The following SNW1 variants were observed in gnomAD, a reference collection of about 807,000 sequenced individuals.
The protein encoded by SNW1 is SNW domain containing 1, also known as SNW domain-containing protein 1.
A neutral mutation model predicts 75.6 loss-of-function variants in SNW1; 9 were observed. The ratio of observed to expected loss-of-function variants is 0.12; its 90% CI spans 0.07 to 0.21. The LOEUF is 0.21. Ranked by LOEUF, SNW1 falls within the 10% of genes least tolerant of loss-of-function variation. The probability of loss-of-function intolerance (pLI) is 1.00; values close to 1 mark genes in which losing one functional copy is unlikely to be tolerated. For missense variants in SNW1, 409 were observed against 670.9 expected (o/e 0.61, Z 4.31); for synonymous variants, 200 against 219.1 (o/e 0.91, Z 0.77).
intron 1 of SNW1, among the ~76,000 whole-genome samples, chr14:77,759,127 C>T (rs1411564133): frequency 6.7e-6 from 1 of 149,564 alleles, no homozygotes; most frequent in East Asian, 2.0e-4. Flanking sequence ...CTGAGGAACA[C>T]CAGATGGTAG....
intron 9 of SNW1, among the ~76,000 whole-genome samples, chr14:77,731,603 AATCTT>A (rs1271288238): frequency 6.6e-6 from 1 of 152,198 alleles, no homozygotes; most frequent in Non-Finnish European, 1.5e-5. Context: ...CTCAAGATAA[AATCTT>A]AACTTACATC....
intron 3 of SNW1, among the ~76,000 whole-genome samples, chr14:77,747,258 G>A (rs556633491): frequency 2.0e-5 from 3 of 152,214 alleles, no homozygotes; most frequent in South Asian, 2.1e-4. Flanking sequence ...GCGTGATCTC[G>A]GCTCGCTACA....
At chr14:77,733,082 G>T (rs557358335) in intron 8 of SNW1, among the ~76,000 whole-genome samples, 20 of 152,276 alleles carry the variant, frequency 1.3e-4, no homozygotes, top group African/African-American at 4.8e-4. Flanking sequence ...TTATGTAGAA[G>T]ATCAAGCACT....
chr14:77,741,550 T>TA lies in SNW1; in HGVS notation c.331-2490dup, dbSNP rs138865487. On this transcript the variant is annotated intron_variant, in intron 3 of 13. Coordinates refer to ENST00000261531, the MANE Select transcript of SNW1 (RefSeq NM_012245.3). ...TTTAGCACAAAACACGTACTACTGA[T>TA]ATGTGAGTTATTAGTGTCACCATAC... Among the ~76,000 whole-genome samples, 58 of 152,248 alleles carry TA rather than the reference T, an allele frequency of 3.8e-4. 1 individual carries two copies. In the East Asian group the frequency reaches 0.011, roughly 28 times the overall value.
At position 77,717,992 on chromosome 14, in the gene SNW1, T is replaced by G; in HGVS notation, c.*96A>C. 1.8e-6 allele frequency: 2 copies of G among 1,123,012 alleles called. No homozygotes were observed. The highest frequency in any genetic ancestry group is 2.4e-5 in the East Asian group (1 of 41,608). The allele number at this position is 1,123,012 out of a possible 1,614,324, so 69.6% of individuals were successfully genotyped here. A position where few individuals can be genotyped will look rare whatever the true frequency, so the allele number is the denominator to read the frequency against. ...AGTGCTGGGATCTGGCACCCAGATT[T>G]GGTTTTTATCCTGACCATTTACAAA... On this transcript the variant is annotated 3_prime_UTR_variant, in exon 14 of 14. Transcript: ENST00000261531.
intron 1 of SNW1, 123 bp downstream of exon 1, chr14:77,760,991 A>G: frequency 6.2e-7 from 1 of 1,608,646 alleles, no homozygotes; most frequent in Non-Finnish European, 8.5e-7. Flanking sequence ...GCGTAGCCGT[A>G]GTCTTGGCCC....
intron 3 of SNW1, among the ~76,000 whole-genome samples, chr14:77,744,174 T>TG (rs2080740352): frequency 6.7e-6 from 1 of 148,164 alleles, no homozygotes; most frequent in African/African-American, 2.5e-5. Context: ...TAGCATAGGC[T>TG]GGGCACAGCG....
At chr14:77,750,873 A>G (rs534400649) in intron 3 of SNW1, among the ~76,000 whole-genome samples, 2 of 152,318 alleles carry the variant, frequency 1.3e-5, no homozygotes, top group Admixed American at 6.5e-5. Flanking sequence ...CAAATAAACT[A>G]TTAAATACTT....
chr14:77,721,715 GA>G (rs761474859), intron 11 of SNW1, among the ~76,000 whole-genome samples: 2 of 152,006 alleles, frequency 1.3e-5, no homozygotes, highest in Non-Finnish European at 2.9e-5. Context: ...ATACCAGCAG[GA>G]ATCTTTTTCA....
At chr14:77,739,612 GAAAA>G (rs545421992) in intron 3 of SNW1, among the ~76,000 whole-genome samples, 2,109 of 123,506 alleles carry the variant, frequency 0.017, 49 homozygotes, top group African/African-American at 0.059. Flanking sequence ...GAAGACAAAA[GAAAA>G]AAAAAAAGAA....
chr14:77,740,696 C>A (rs2080711395), intron 3 of SNW1, among the ~76,000 whole-genome samples: 1 of 152,106 alleles, frequency 6.6e-6, no homozygotes, highest in African/African-American at 2.4e-5. Context: ...AGTAGTAACC[C>A]CTCCCCACCC....
chr14:77,722,623 C>G (rs2080550964), intron 11 of SNW1: 3 of 382,820 alleles, frequency 7.8e-6, no homozygotes, highest in Non-Finnish European at 1.5e-5. Flanking sequence ...TTTCTATATT[C>G]CCATCATTCT....
Position 77,717,755 on chromosome 14 carries a change from C to T in SNW1, c.*333G>A. On this transcript the variant is annotated 3_prime_UTR_variant, in exon 14 of 14. Transcript: ENST00000261531. The stretch of plus-strand genomic sequence containing the variant: ...TTCCTCCTCACTGTGGTTGGGGTAA[C>T]TTTACTCATATGCAGCTGTTCTTAC... 1 of 614,620 alleles carries T rather than the reference C, an allele frequency of 1.6e-6. No individual in the cohort carries two copies. The highest frequency in any genetic ancestry group is 4.2e-4 in the Middle Eastern group (1 of 2,370). The allele number at this position is 614,620 out of a possible 1,614,324, so 38.1% of individuals were successfully genotyped here.
Position 77,720,826 on chromosome 14 carries a change from G to T in SNW1, c.1133C>A (p.Ser378Ter). The stretch of plus-strand genomic sequence containing the variant: ...CCGATTTTCATTTCTCTGAAGTTTC[G>T]ACCTATTTTGAAATACGACATCACT... Reference protein sequence around the residue: ...NLSRAAPDKRSKLQRNENRDI... With the variant: ...NLSRAAPDKR Residue 378 changes from serine (S) to a stop codon, truncating the protein, a stop_gained and splice_region_variant, in exon 12 of 14, where the codon TCG (serine) becomes TAG (stop). Coordinates refer to ENST00000261531, the MANE Select transcript of SNW1 (RefSeq NM_012245.3). LOFTEE classifies it high-confidence loss of function. 1.2e-6 allele frequency: 2 copies of T among 1,603,468 alleles called. No homozygotes were observed. Among genetic ancestry groups the T allele is most frequent in the South Asian group, 1.1e-5 (1 of 90,670 alleles).
chr14:77,722,468 G>A (rs956382528), intron 11 of SNW1: 2 of 453,970 alleles, frequency 4.4e-6, no homozygotes, highest in African/African-American at 4.0e-5. Flanking sequence ...CATATAAAAT[G>A]ATCTCAATAA....
intron 3 of SNW1, among the ~76,000 whole-genome samples, chr14:77,741,091 G>A (rs1285629010): frequency 6.4e-5 from 5 of 78,358 alleles, no homozygotes; most frequent in Admixed American, 2.0e-4. Flanking sequence ...GAGTGAAACT[G>A]TCTCCAAAAA....
chr14:77,756,925 A>G (rs1006111953), intron 1 of SNW1, among the ~76,000 whole-genome samples: 1 of 152,206 alleles, frequency 6.6e-6, no homozygotes, highest in Non-Finnish European at 1.5e-5. Context: ...CCAAAGAATC[A>G]AAGCAGAAGC....
rs1595082680 is a variant in SNW1, at chr14:77,738,061, T to C, written c.533+717A>G. On this transcript the variant is annotated intron_variant, in intron 5 of 13. Transcript: ENST00000261531. ...GGCTCACGCCTATAATCCCAGCACT[T>C]TGGGACCTGAGGAGGATGGATCATT... Among the ~76,000 whole-genome samples, 2 of 150,406 alleles carry C rather than the reference T, an allele frequency of 1.3e-5. 1 individual carries two copies. Among genetic ancestry groups the C allele is most frequent in the East Asian group, 3.9e-4 (2 of 5,086 alleles).
At chr14:77,753,699 C>T (rs2080824031) in intron 2 of SNW1, among the ~76,000 whole-genome samples, 1 of 152,108 alleles carries the variant, frequency 6.6e-6, no homozygotes, top group Non-Finnish European at 1.5e-5. Flanking sequence ...CACCTGTAAT[C>T]CCAGCACTTT....
Sources: allele counts gnomAD v4.1 joint callset (sites outside exome capture counted in the v4.1 genomes callset), GRCh38; gene constraint gnomAD v4.1.1; transcripts MANE v1.5; gene names NCBI Gene and HGNC (gene_info 2026-07-23, HGNC 2026-07-21).